The following NCAM2 variants were observed in gnomAD, a reference collection of about 807,000 sequenced individuals.
NCAM2 encodes N-CAM-2.
Under a neutral mutation model 98.1 loss-of-function variants are expected in NCAM2, and 30 were observed. The observed-to-expected ratio is 0.31, with a 90% CI of 0.23 to 0.41. The LOEUF (loss-of-function observed/expected upper bound fraction) is 0.41. NCAM2 is among the 10% of genes least tolerant of loss of function. The pLI is 1.00. For missense variants in NCAM2, 867 were observed against 1,005.8 expected (o/e 0.86, Z 1.87); for synonymous variants, 368 against 342.4 (o/e 1.07, Z -0.83).
chr21:21,105,928 TC>T (rs1172340199), intron 1 of NCAM2, among the ~76,000 whole-genome samples: 1 of 152,144 alleles, frequency 6.6e-6, no homozygotes, highest in African/African-American at 2.4e-5. Flanking sequence ...ATATAATTAA[TC>T]TTGCTTATGG....
At chr21:21,068,252 C>G (rs2065483236) in intron 1 of NCAM2, among the ~76,000 whole-genome samples, 2 of 150,290 alleles carry the variant, frequency 1.3e-5, no homozygotes, top group Middle Eastern at 6.9e-3. Flanking sequence ...CCTGCCTCAT[C>G]CTCTAGAGTT....
At chr21:21,157,085 A>G (rs1182736741) in intron 1 of NCAM2, among the ~76,000 whole-genome samples, 1 of 152,072 alleles carries the variant, frequency 6.6e-6, no homozygotes, top group African/African-American at 2.4e-5. Context: ...AGACTGTGTA[A>G]GATGCCTGCC....
Position 21,338,481 on chromosome 21 carries a change from G to A in NCAM2, c.991G>A (p.Glu331Lys). 3 of 1,612,714 alleles carry A rather than the reference G, an allele frequency of 1.9e-6. No homozygotes were observed. Among genetic ancestry groups the A allele is most frequent in the Non-Finnish European group, 2.5e-6 (3 of 1,179,340 alleles). ...VCDAEGEPIP[E>K]ITWKRAVDGF... is the part of the protein sequence containing the mutation. Reference sequence around the variant, plus strand: ...TGATGCGGAAGGGGAGCCTATTCCAGAAATCACTTGGAAAAGAGCTGTGGA... The same window carrying A: ...TGATGCGGAAGGGGAGCCTATTCCAAAAATCACTTGGAAAAGAGCTGTGGA... The change falls in exon 8 of 18, where the codon GAA becomes AAA. Residue 331 changes from glutamate (E) to lysine (K), a missense_variant. Transcript: ENST00000400546.
At chr21:21,350,524 T>C (rs907814108) in intron 8 of NCAM2, among the ~76,000 whole-genome samples, 6 of 152,206 alleles carry the variant, frequency 3.9e-5, no homozygotes, top group Admixed American at 2.6e-4. Flanking sequence ...TGGTTTCTGA[T>C]GCTAATAACC....
At chr21:21,503,115 C>A (rs1272102025) in intron 15 of NCAM2, among the ~76,000 whole-genome samples, 2 of 151,744 alleles carry the variant, frequency 1.3e-5, no homozygotes, top group African/African-American at 4.8e-5. Context: ...ATACAATAGT[C>A]CCTGCTTTAG....
At position 21,500,691 on chromosome 21, in the gene NCAM2, A is replaced by G. The variant is rs531281540; in HGVS notation, c.2078-8160A>G. 1.9e-4 allele frequency among the ~76,000 whole-genome samples: 29 copies of G among 152,248 alleles called. 1 individual carries two copies. In the South Asian group the frequency reaches 5.8e-3, roughly 30 times the overall value. On this transcript the variant is annotated intron_variant, in intron 15 of 17. Transcript: ENST00000400546. Reference sequence around the variant, plus strand: ...TTTATACATATATTTCTAATTATCTATGTAGTTTAACTGAGAGAAGTCTAT... The same window carrying G: ...TTTATACATATATTTCTAATTATCTGTGTAGTTTAACTGAGAGAAGTCTAT...
At chr21:21,093,733 CT>C (rs1471610012) in intron 1 of NCAM2, among the ~76,000 whole-genome samples, 1 of 151,962 alleles carries the variant, frequency 6.6e-6, no homozygotes, top group Non-Finnish European at 1.5e-5. Context: ...CAGTAATTCC[CT>C]TGATGTTCTT....
intron 15 of NCAM2, among the ~76,000 whole-genome samples, chr21:21,502,486 C>T (rs1329774062): frequency 4.0e-5 from 6 of 151,832 alleles, no homozygotes; most frequent in Admixed American, 1.3e-4. Context: ...TTAGATATCA[C>T]CAGGTAGAAT....
intron 5 of NCAM2, among the ~76,000 whole-genome samples, chr21:21,296,244 GT>G (rs888734597): frequency 6.6e-6 from 1 of 151,740 alleles, no homozygotes; most frequent in Non-Finnish European, 1.5e-5. Flanking sequence ...AACAAATGCA[GT>G]TTTCCTAGAT....
At chr21:21,199,571 C>G (rs1282677837) in intron 1 of NCAM2, among the ~76,000 whole-genome samples, 1 of 152,156 alleles carries the variant, frequency 6.6e-6, no homozygotes, top group African/African-American at 2.4e-5. Flanking sequence ...GTGAAAATGA[C>G]TAACCTTGAG....
intron 1 of NCAM2, among the ~76,000 whole-genome samples, chr21:21,184,774 A>T (rs1213415810): frequency 6.6e-6 from 1 of 152,118 alleles, no homozygotes; most frequent in Non-Finnish European, 1.5e-5. Context: ...TTCTCAGTGA[A>T]CCTCTAATGA....
intron 8 of NCAM2, among the ~76,000 whole-genome samples, chr21:21,339,394 T>G (rs1274556266): frequency 2.6e-5 from 4 of 152,078 alleles, no homozygotes; most frequent in African/African-American, 2.4e-5. Context: ...TTCACTATAC[T>G]AATGGATTTT....
rs1366914751 is a variant in NCAM2 at position 20,998,570 on chromosome 21, C to G, written c.7C>G (p.Leu3Val). 6.2e-7 allele frequency: 1 copy of G among 1,614,046 alleles called. No homozygotes were observed. The highest frequency in any genetic ancestry group is 2.2e-5 in the East Asian group (1 of 44,842). The stretch of plus-strand genomic sequence containing the variant: ...CCGGTGTCACGTCCTGAACATGAGC[C>G]TCCTCCTCTCCTTCTACCTGCTGGG... The part of the protein sequence containing the change: MS[L>V]LLSFYLLGLL... The change falls in exon 1 of 18, where the codon CTC becomes GTC. Residue 3 changes from leucine (L) to valine (V), a missense_variant. Around this residue, in one of 5 missense-constraint regions of NCAM2, gnomAD observed 447 missense variants for 495.7 expected, o/e 0.90. Transcript: ENST00000400546.
intron 1 of NCAM2, among the ~76,000 whole-genome samples, chr21:21,056,168 C>G (rs2065205982): frequency 6.6e-6 from 1 of 151,966 alleles, no homozygotes; most frequent in Admixed American, 6.6e-5. Flanking sequence ...AGAAATGCTA[C>G]ATAGTACTGA....
intron 16 of NCAM2, among the ~76,000 whole-genome samples, chr21:21,522,045 C>G (rs569713464): frequency 2.7e-4 from 40 of 147,480 alleles, no homozygotes; most frequent in African/African-American, 8.9e-4. Flanking sequence ...TATTCATATT[C>G]ATATATATGA....
intron 1 of NCAM2, among the ~76,000 whole-genome samples, chr21:21,042,895 G>A (rs533333556): frequency 2.3e-4 from 35 of 152,046 alleles, no homozygotes; most frequent in Non-Finnish European, 4.0e-4. Context: ...CTGTTTGAAA[G>A]CTTTATAAAA....
chr21:21,396,638 G>A (rs763258002), intron 9 of NCAM2, among the ~76,000 whole-genome samples: 4 of 152,174 alleles, frequency 2.6e-5, no homozygotes, highest in Non-Finnish European at 5.9e-5. Context: ...ACTGGGCCCA[G>A]CCAGGCACTT....
At chr21:21,533,166 C>CTTTTTTTTTTTTTTTTTTTTTTTTTTTT (rs201532023) in intron 16 of NCAM2, among the ~76,000 whole-genome samples, 2 of 93,804 alleles carry the variant, frequency 2.1e-5, no homozygotes, top group South Asian at 3.2e-4. Flanking sequence ...TGTTTGCTTG[C>CTTTTTTTTTTTTTTTTTTTTTTTTTTTT]TTTTTTTTTT....
chr21:21,260,921 T>TA (rs371105381), intron 1 of NCAM2, among the ~76,000 whole-genome samples: 35 of 151,856 alleles, frequency 2.3e-4, no homozygotes, highest in African/African-American at 6.8e-4. Context: ...CAAATTGGAT[T>TA]AAAAAAAATA....
Sources: allele counts gnomAD v4.1 joint callset (sites outside exome capture counted in the v4.1 genomes callset), GRCh38; gene constraint gnomAD v4.1.1; regional missense constraint gnomAD v4.1.1; transcripts MANE v1.5; gene names NCBI Gene and HGNC (gene_info 2026-07-23, HGNC 2026-07-21).